Variants in CYRIA observed in about 807,000 individuals in gnomAD.
CYRIA encodes CYFIP-related Rac1 interactor A.
A neutral mutation model predicts 43.9 loss-of-function variants in CYRIA; 15 were observed. That is an observed-to-expected ratio of 0.34 (90% CI 0.23 to 0.53). The LOEUF is 0.53. Among genes scored for constraint, CYRIA ranks in the 20% least tolerant of loss-of-function variants. The pLI is 0.94. For missense variants in CYRIA, 236 were observed against 394.2 expected (o/e 0.60, Z 3.40); for synonymous variants, 117 against 136.0 (o/e 0.86, Z 0.97).
At chr2:16,591,838 T>C (rs1667942343) in intron 2 of CYRIA, among the ~76,000 whole-genome samples, 1 of 152,110 alleles carries the variant, frequency 6.6e-6, no homozygotes, top group Non-Finnish European at 1.5e-5. Flanking sequence ...ATGTTGTGTA[T>C]ACTGTAAAGT....
chr2:16,561,103 C>T, intron 8 of CYRIA, 34 bp from the exon 9 acceptor site: 1 of 1,610,846 alleles, frequency 6.2e-7, no homozygotes, highest in Non-Finnish European at 8.5e-7. Context: ...ATTAGTCCTG[C>T]TTGCAGCTCT....
chr2:16,577,713 T>C (rs1667400047), intron 3 of CYRIA, among the ~76,000 whole-genome samples: 1 of 152,188 alleles, frequency 6.6e-6, no homozygotes, highest in South Asian at 2.1e-4. Flanking sequence ...AGAAGGACAG[T>C]CTATGTCAGC....
chr2:16,585,866 T>C (rs915195889), intron 3 of CYRIA, among the ~76,000 whole-genome samples: 1 of 152,172 alleles, frequency 6.6e-6, no homozygotes, highest in Non-Finnish European at 1.5e-5. Flanking sequence ...AGAAATCTGA[T>C]GCTCAGGAGA....
intron 1 of CYRIA, among the ~76,000 whole-genome samples, chr2:16,638,348 C>T (rs1669564199): frequency 6.6e-6 from 1 of 152,172 alleles, no homozygotes; most frequent in African/African-American, 2.4e-5. Context: ...GGCAGTTGCA[C>T]AGGCTGGTGT....
At chr2:16,634,445 C>G (rs74791348) in intron 1 of CYRIA, among the ~76,000 whole-genome samples, 4,666 of 152,320 alleles carry the variant, frequency 0.031, 153 homozygotes, top group East Asian at 0.19. Flanking sequence ...ACCATTCTGT[C>G]CAGGACCCCC....
chr2:16,561,703 A>G (rs1264008790), intron 6 of CYRIA, among the ~76,000 whole-genome samples, 170 bp from the exon 7 acceptor site: 2 of 152,196 alleles, frequency 1.3e-5, no homozygotes, highest in African/African-American at 4.8e-5. Flanking sequence ...TCATTATTTT[A>G]AAATATGCCC....
intron 5 of CYRIA, among the ~76,000 whole-genome samples, chr2:16,563,021 C>T (rs562329310): frequency 3.9e-5 from 6 of 152,230 alleles, no homozygotes; most frequent in South Asian, 4.2e-4. Flanking sequence ...GCATTTCTAC[C>T]GGGATATCTC....
At chr2:16,643,755 G>A (rs1396255234) in intron 1 of CYRIA, among the ~76,000 whole-genome samples, 2 of 152,154 alleles carry the variant, frequency 1.3e-5, no homozygotes, top group African/African-American at 4.8e-5. Context: ...CCCAGACATA[G>A]TGTTTTAGAG....
At chr2:16,644,129 T>G (rs910884811) in intron 1 of CYRIA, among the ~76,000 whole-genome samples, 1 of 152,210 alleles carries the variant, frequency 6.6e-6, no homozygotes, top group African/African-American at 2.4e-5. Flanking sequence ...CCTTATATAA[T>G]AAAACGAAGC....
At chr2:16,572,434 T>C (rs868574068) in intron 3 of CYRIA, among the ~76,000 whole-genome samples, 25 of 152,084 alleles carry the variant, frequency 1.6e-4, no homozygotes, top group African/African-American at 6.0e-4. Context: ...ATGAGGATAC[T>C]AGACAAAAAG....
intron 2 of CYRIA, among the ~76,000 whole-genome samples, chr2:16,621,576 G>A (rs755523113): frequency 7.2e-5 from 11 of 152,240 alleles, no homozygotes; most frequent in South Asian, 4.2e-4. Context: ...TTCTGCCCTC[G>A]CTTCATTCCA....
intron 4 of CYRIA, among the ~76,000 whole-genome samples, chr2:16,565,419 C>T (rs1332020370): frequency 6.6e-6 from 1 of 152,180 alleles, no homozygotes; most frequent in African/African-American, 2.4e-5. Flanking sequence ...CTCCTGACCT[C>T]AGGTGATCCA....
intron 2 of CYRIA, among the ~76,000 whole-genome samples, chr2:16,606,556 A>C (rs995485012): frequency 2.0e-5 from 3 of 152,028 alleles, no homozygotes; most frequent in Non-Finnish European, 1.5e-5. Context: ...TAAAAAAAAA[A>C]AAAAACAAAA....
intron 2 of CYRIA, among the ~76,000 whole-genome samples, chr2:16,618,842 C>T (rs886670875): frequency 6.6e-6 from 1 of 152,206 alleles, no homozygotes; most frequent in Admixed American, 6.5e-5. Flanking sequence ...GCTCTGACCT[C>T]ACTGCTTGCC....
In CYRIA at chr2:16,553,008, A is replaced by G. The variant is rs373188470; in HGVS notation, c.909-9T>C. 10 of 1,591,480 alleles carry G rather than the reference A, an allele frequency of 6.3e-6. No homozygotes were observed. In the South Asian group the frequency reaches 6.6e-5, roughly 11 times the overall value. ...AGTGCTTTGTAGTGAACCTGGATGGAGAGAGAATGGTAGAGGTTAGCGGCA... is the reference window on the plus strand; with the variant it reads ...AGTGCTTTGTAGTGAACCTGGATGGGGAGAGAATGGTAGAGGTTAGCGGCA... On this transcript the variant is annotated splice_polypyrimidine_tract_variant and intron_variant, in intron 11 of 11. Transcript: ENST00000381323.
intron 2 of CYRIA, among the ~76,000 whole-genome samples, chr2:16,592,910 G>A (rs1360394725): frequency 1.3e-5 from 2 of 152,134 alleles, no homozygotes; most frequent in African/African-American, 4.8e-5. Flanking sequence ...ACATGAATAG[G>A]ATCATAGAAA....
At position 16,636,399 on chromosome 2, in the gene CYRIA, C is replaced by T. The variant is rs186203334; in HGVS notation, c.-166-12380G>A. Reference sequence around the variant, plus strand: ...GATTAATGGGGATAATTTCGCCCTTCCTGGTCTATAAATGACAACTCACTC... The same window carrying T: ...GATTAATGGGGATAATTTCGCCCTTTCTGGTCTATAAATGACAACTCACTC... On this transcript the variant is annotated intron_variant, in intron 1 of 11. Coordinates refer to ENST00000381323, the MANE Select transcript of CYRIA (RefSeq NM_030797.4). Among the ~76,000 whole-genome samples, 493 of 152,292 alleles carry T rather than the reference C, an allele frequency of 3.2e-3. 1 individual carries two copies. The highest frequency in any genetic ancestry group is 6.8e-3 in the Middle Eastern group (2 of 294).
chr2:16,638,487 T>C (rs1356404178), intron 1 of CYRIA, among the ~76,000 whole-genome samples: 1 of 151,806 alleles, frequency 6.6e-6, no homozygotes, highest in Non-Finnish European at 1.5e-5. Flanking sequence ...TGTGAGGATG[T>C]GAAGTAGGAA....
chr2:16,649,515 A>T (rs934448888), intron 1 of CYRIA, among the ~76,000 whole-genome samples: 2 of 151,868 alleles, frequency 1.3e-5, no homozygotes, highest in Non-Finnish European at 2.9e-5. Flanking sequence ...GCTGTACAGT[A>T]CACAGGGCAT....
Sources: gnomAD v4.1 joint callset for allele counts (sites outside exome capture counted in the v4.1 genomes callset) on GRCh38, gnomAD v4.1.1 for gene constraint, MANE v1.5 for transcripts, NCBI Gene and HGNC (gene_info 2026-07-23, HGNC 2026-07-21) for gene names.